Variants in POMT2 observed in about 807,000 individuals in gnomAD.
The protein encoded by POMT2 is protein O-mannosyl-transferase 2.
Under a neutral mutation model 100.0 loss-of-function variants are expected in POMT2, and 75 were observed. The ratio of observed to expected loss-of-function variants is 0.75; its 90% CI spans 0.62 to 0.91. The LOEUF is 0.91. POMT2 is among the 40% of genes least tolerant of loss of function. The probability of loss-of-function intolerance (pLI) is 0.00; values close to 1 mark genes in which losing one functional copy is unlikely to be tolerated. For missense variants in POMT2, 940 were observed against 955.1 expected (o/e 0.98, Z 0.21); for synonymous variants, 378 against 374.1 (o/e 1.01, Z -0.12).
In POMT2 at chr14:77,302,818, G is replaced by C; in HGVS notation, c.656+17C>G. 1 of 1,597,434 alleles carries C rather than the reference G, an allele frequency of 6.3e-7. No homozygotes were observed. The highest frequency in any genetic ancestry group is 8.6e-7 in the Non-Finnish European group (1 of 1,165,706). The stretch of plus-strand genomic sequence containing the variant: ...CACAGCTTCCAACCCTCCCCTCCCG[G>C]GGATGGAGTTTCTGACCTGTCGGCG... On this transcript the variant is annotated intron_variant, in intron 5 of 20. Coordinates refer to ENST00000261534, the MANE Select transcript of POMT2 (RefSeq NM_013382.7).
chr14:77,301,309 C>T (rs1462371524), intron 5 of POMT2, 60 bp from the exon 6 acceptor site: 3 of 1,595,282 alleles, frequency 1.9e-6, no homozygotes, highest in Non-Finnish European at 2.6e-6. Context: ...AACGCAAGCG[C>T]AGCAGGGGAC....
At chr14:77,306,551 T>C (rs1891236723) in intron 2 of POMT2, 110 bp from the exon 3 acceptor site, 1 of 1,251,114 alleles carries the variant, frequency 8.0e-7, no homozygotes, top group Non-Finnish European at 1.1e-6. Flanking sequence ...CCTTGACAAC[T>C]GTCCATAGAA....
intron 1 of POMT2, chr14:77,319,584 G>C (rs1306771306): frequency 6.6e-6 from 1 of 152,236 alleles, no homozygotes; most frequent in Non-Finnish European, 1.5e-5. Context: ...GAGGAGGTCT[G>C]CGTACTGCCT....
intron 7 of POMT2, among the ~76,000 whole-genome samples, chr14:77,299,216 A>C (rs1167457584): frequency 6.6e-6 from 1 of 152,204 alleles, no homozygotes; most frequent in African/African-American, 2.4e-5. Context: ...CTGTTTAGAG[A>C]TAAGGGACAA....
At chr14:77,282,113 T>C (rs984847945) in intron 15 of POMT2, among the ~76,000 whole-genome samples, 1 of 152,172 alleles carries the variant, frequency 6.6e-6, no homozygotes, top group Non-Finnish European at 1.5e-5. Context: ...CCTGCGGCAG[T>C]TGCTGAGGGA....
At chr14:77,282,858 T>G (rs936584599) in intron 15 of POMT2, among the ~76,000 whole-genome samples, 10 of 152,344 alleles carry the variant, frequency 6.6e-5, no homozygotes, top group Middle Eastern at 6.8e-3. Flanking sequence ...GTGCTACACC[T>G]CCCTGCAATG....
intron 1 of POMT2, among the ~76,000 whole-genome samples, chr14:77,313,529 C>T (rs1036873114): frequency 6.6e-6 from 1 of 152,214 alleles, no homozygotes; most frequent in Non-Finnish European, 1.5e-5. Flanking sequence ...GCCCACCTCC[C>T]AGGGAGGCCT....
At chr14:77,303,028 C>A in intron 4 of POMT2, 85 bp from the exon 5 acceptor site, 1 of 981,580 alleles carries the variant, frequency 1.0e-6, no homozygotes, top group Non-Finnish European at 1.6e-6. Context: ...AGGAAACAGT[C>A]CCTCTTGCCA....
intron 18 of POMT2, 122 bp downstream of exon 18, chr14:77,279,701 T>C (rs1303477482): frequency 2.1e-6 from 2 of 962,568 alleles, no homozygotes; most frequent in African/African-American, 1.6e-5. Flanking sequence ...AAGCAAAGGA[T>C]AAGGGAAGGT....
At chr14:77,318,624 T>A (rs1305479780) in intron 1 of POMT2, among the ~76,000 whole-genome samples, 1 of 152,134 alleles carries the variant, frequency 6.6e-6, no homozygotes, top group African/African-American at 2.4e-5. Context: ...TTGATGGTGA[T>A]CCAAATAAAA....
chr14:77,278,622 C>G, intron 19 of POMT2, 107 bp downstream of exon 19: 6 of 1,522,264 alleles, frequency 3.9e-6, no homozygotes, highest in Non-Finnish European at 5.4e-6. Flanking sequence ...CACTGCTGCC[C>G]CACAGTGGCC....
At chr14:77,294,318 T>C (rs1890745515) in intron 9 of POMT2, among the ~76,000 whole-genome samples, 1 of 152,080 alleles carries the variant, frequency 6.6e-6, no homozygotes, top group African/African-American at 2.4e-5. Flanking sequence ...CAAGATCTGA[T>C]GGTTTTATTT....
intron 1 of POMT2, among the ~76,000 whole-genome samples, chr14:77,316,229 G>A (rs1284842285): frequency 3.3e-5 from 5 of 152,132 alleles, no homozygotes; most frequent in Non-Finnish European, 1.5e-5. Flanking sequence ...CTTTGGGGTG[G>A]GTCAATGGGA....
chr14:77,285,142 C>A, intron 13 of POMT2, 101 bp from the exon 14 acceptor site: 1 of 1,050,260 alleles, frequency 9.5e-7, no homozygotes, highest in South Asian at 1.3e-5. Flanking sequence ...CTTCTCTTTT[C>A]CACATGGTGG....
chr14:77,284,079 G>A lies in POMT2; in HGVS notation c.1577-206C>T, dbSNP rs547325856. On this transcript the variant is annotated intron_variant, in intron 14 of 20. Transcript: ENST00000261534. ...ATCAGGCATTCTAAGAAATGCAAAG[G>A]AAATAGACAACAAGGTTTCACCTGC... 8 of 612,912 alleles carry A rather than the reference G, an allele frequency of 1.3e-5. No individual in the cohort carries two copies. The South Asian group carries it at 1.4e-4, about 11-fold the overall frequency. The allele number at this position is 612,912 out of a possible 1,614,324, so 38.0% of individuals were successfully genotyped here. A position where few individuals can be genotyped will look rare whatever the true frequency, so the allele number is the denominator to read the frequency against.
intron 15 of POMT2, 141 bp from the exon 16 acceptor site, chr14:77,280,604 G>A: frequency 5.9e-6 from 9 of 1,521,732 alleles, no homozygotes; most frequent in Non-Finnish European, 7.1e-6. Flanking sequence ...GGAAGAATCA[G>A]GCAGCTGCTG....
chr14:77,299,778 T>C, intron 6 of POMT2: 2 of 508,818 alleles, frequency 3.9e-6, no homozygotes, highest in Non-Finnish European at 7.3e-6. Flanking sequence ...CTGCTACCTC[T>C]CCAGGCTCTA....
intron 4 of POMT2, among the ~76,000 whole-genome samples, chr14:77,304,345 G>C (rs1205081620): frequency 2.0e-5 from 3 of 152,104 alleles, no homozygotes; most frequent in African/African-American, 4.8e-5. Context: ...CTTAACTTAA[G>C]AGAAGCAAAA....
chr14:77,277,022 G>A lies in POMT2; in HGVS notation c.*354C>T. ...ACTATTTTAGAGTTTATGACACTCA[G>A]CTGTCCAGTTACACGGTCTGTATTC... On this transcript the variant is annotated 3_prime_UTR_variant, in exon 21 of 21. Transcript: ENST00000261534. The A allele has an allele frequency of 3.4e-6, 1 of 293,698 alleles. No homozygotes were observed. Among genetic ancestry groups the A allele is most frequent in the South Asian group, 4.8e-5 (1 of 20,758 alleles). 18.2% of individuals were successfully genotyped at this position (293,698 alleles called of 1,614,324 possible).
Sources: allele counts gnomAD v4.1 joint callset (sites outside exome capture counted in the v4.1 genomes callset), GRCh38; gene constraint gnomAD v4.1.1; transcripts MANE v1.5; gene names NCBI Gene and HGNC (gene_info 2026-07-23, HGNC 2026-07-21).